Variants in ARPC2 observed in about 807,000 individuals in gnomAD.
ARPC2 encodes actin related protein 2/3 complex subunit 2.
ARPC2 carries 4 observed loss-of-function variants against 38.6 expected under a neutral mutation model. That is an observed-to-expected ratio of 0.10 (90% CI 0.05 to 0.24). ARPC2 has a LOEUF of 0.24. Among genes scored for constraint, ARPC2 ranks in the 10% least tolerant of loss-of-function variants. The pLI is 1.00. For synonymous variants in ARPC2, 125 were observed against 140.8 expected (o/e 0.89, Z 0.79); for missense variants, 229 against 387.3 (o/e 0.59, Z 3.43).
chr2:218,249,190 G>C (rs1304921152), intron 8 of ARPC2, among the ~76,000 whole-genome samples, 174 bp from the exon 9 acceptor site: 1 of 152,152 alleles, frequency 6.6e-6, no homozygotes, highest in Non-Finnish European at 1.5e-5. Flanking sequence ...ACCTTTCCTG[G>C]CCATGCTGTT....
At chr2:218,250,346 G>A (rs1690155500) in intron 10 of ARPC2, among the ~76,000 whole-genome samples, 1 of 152,156 alleles carries the variant, frequency 6.6e-6, no homozygotes, top group Non-Finnish European at 1.5e-5. Context: ...TGCAGAGGAA[G>A]GTTCTCTTTA....
chr2:218,243,648 C>T (rs777710323), intron 7 of ARPC2, among the ~76,000 whole-genome samples: 7 of 152,128 alleles, frequency 4.6e-5, no homozygotes, highest in Non-Finnish European at 5.9e-5. Flanking sequence ...TGATGGCACA[C>T]GCCTGTAATC....
intron 5 of ARPC2, chr2:218,234,769 A>G (rs958758561): frequency 3.0e-5 from 14 of 467,286 alleles, no homozygotes; most frequent in African/African-American, 2.8e-4. Flanking sequence ...CATACTACAT[A>G]TTTGGAGAAA....
At chr2:218,238,920 T>G in intron 6 of ARPC2, 70 bp downstream of exon 6, 7 of 1,257,210 alleles carry the variant, frequency 5.6e-6, no homozygotes, top group Non-Finnish European at 7.8e-6. Context: ...CTGAAAGAAA[T>G]ATGGCTTGGT....
intron 4 of ARPC2, among the ~76,000 whole-genome samples, chr2:218,230,696 G>A (rs1689614535): frequency 6.6e-6 from 1 of 152,042 alleles, no homozygotes; most frequent in South Asian, 2.1e-4. Context: ...CCCCTAGACA[G>A]TCTTCACTAG....
At chr2:218,252,952 T>C (rs1265475334) in intron 10 of ARPC2, 3 of 456,790 alleles carry the variant, frequency 6.6e-6, no homozygotes, top group Admixed American at 4.7e-5. Flanking sequence ...CAGCTTCTCT[T>C]TGGCAGAGTT....
chr2:218,251,672 C>CG (rs1203641546), intron 10 of ARPC2, among the ~76,000 whole-genome samples: 1 of 151,970 alleles, frequency 6.6e-6, no homozygotes, highest in East Asian at 1.9e-4. Flanking sequence ...AGGCTGGTCT[C>CG]GAACTCCTGG....
At chr2:218,239,204 G>A (rs1016039301) in intron 6 of ARPC2, 187 bp from the exon 7 acceptor site, 1 of 587,440 alleles carries the variant, frequency 1.7e-6, no homozygotes, top group Admixed American at 3.1e-5. Context: ...TCCATCTGCT[G>A]CCTCTCTTAG....
At chr2:218,230,715 C>T (rs1689615076) in intron 4 of ARPC2, among the ~76,000 whole-genome samples, 1 of 152,072 alleles carries the variant, frequency 6.6e-6, no homozygotes, top group Non-Finnish European at 1.5e-5. Flanking sequence ...AGGTGCAAGC[C>T]TGCACAGTGG....
At chr2:218,251,138 C>G (rs1690179380) in intron 10 of ARPC2, among the ~76,000 whole-genome samples, 1 of 152,108 alleles carries the variant, frequency 6.6e-6, no homozygotes. Flanking sequence ...GTCTTGAGGT[C>G]ATAAGCCTCC....
intron 3 of ARPC2, among the ~76,000 whole-genome samples, chr2:218,227,441 T>A (rs1199512329): frequency 1.3e-5 from 2 of 152,220 alleles, no homozygotes; most frequent in Non-Finnish European, 2.9e-5. Flanking sequence ...TTTGTTTTTT[T>A]GAGACTGAGT....
intron 5 of ARPC2, chr2:218,234,867 C>T: frequency 2.2e-6 from 1 of 456,866 alleles, no homozygotes; most frequent in Non-Finnish European, 4.4e-6. Flanking sequence ...TAGGTTGTCT[C>T]AACATTCATG....
intron 5 of ARPC2, chr2:218,236,198 A>G (rs758129850): frequency 6.6e-6 from 1 of 151,940 alleles, no homozygotes; most frequent in Non-Finnish European, 1.5e-5. Context: ...ACTTCTCTTC[A>G]TCCTCAGTAT....
intron 2 of ARPC2, among the ~76,000 whole-genome samples, chr2:218,218,837 A>G (rs751701496): frequency 6.6e-6 from 1 of 152,236 alleles, no homozygotes; most frequent in Non-Finnish European, 1.5e-5. Flanking sequence ...CTTTCCTTGA[A>G]GTAATACGTG....
chr2:218,245,653 A>G, intron 8 of ARPC2, 107 bp downstream of exon 8: 1 of 1,450,044 alleles, frequency 6.9e-7, no homozygotes, highest in Non-Finnish European at 9.4e-7. Flanking sequence ...AGGCAAACGC[A>G]GGCATACCAA....
chr2:218,245,657 A>C, intron 8 of ARPC2, 111 bp downstream of exon 8: 1 of 1,430,828 alleles, frequency 7.0e-7, no homozygotes, highest in Non-Finnish European at 9.5e-7. Flanking sequence ...AAACGCAGGC[A>C]TACCAACTTG....
At chr2:218,225,171 G>T (rs1689469009) in intron 2 of ARPC2, among the ~76,000 whole-genome samples, 1 of 152,144 alleles carries the variant, frequency 6.6e-6, no homozygotes. Flanking sequence ...TTGATGATAG[G>T]GGAGAATGCA....
intron 10 of ARPC2, among the ~76,000 whole-genome samples, chr2:218,251,979 G>T (rs1270461565): frequency 6.6e-6 from 1 of 152,172 alleles, no homozygotes; most frequent in African/African-American, 2.4e-5. Context: ...CCAGCACTTT[G>T]GGAGGCCGAG....
At chr2:218,251,642 G>A (rs1286223433) in intron 10 of ARPC2, among the ~76,000 whole-genome samples, 4 of 151,752 alleles carry the variant, frequency 2.6e-5, no homozygotes, top group African/African-American at 9.7e-5. Context: ...TTGTAGAGAC[G>A]GGATTTCACC....
Sources: allele counts gnomAD v4.1 joint callset (sites outside exome capture counted in the v4.1 genomes callset), GRCh38; gene constraint gnomAD v4.1.1; transcripts MANE v1.5; gene names NCBI Gene and HGNC (gene_info 2026-07-23, HGNC 2026-07-21).